Variants in ROR1 observed in about 807,000 individuals in gnomAD.
ROR1 encodes the protein inactive tyrosine-protein kinase transmembrane receptor ROR1.
In ROR1, 19 loss-of-function variants were observed where a neutral mutation model predicts 78.8. The observed-to-expected ratio is 0.24, with a 90% CI of 0.17 to 0.35. ROR1 has a LOEUF of 0.35. Ranked by LOEUF, ROR1 falls within the 10% of genes least tolerant of loss-of-function variation. The pLI is 1.00. For synonymous variants in ROR1, 386 were observed against 433.6 expected (o/e 0.89, Z 1.36); for missense variants, 917 against 1,177.8 (o/e 0.78, Z 3.24).
chr1:63,913,241 T>G (rs1645585056), intron 1 of ROR1, among the ~76,000 whole-genome samples: 1 of 152,178 alleles, frequency 6.6e-6, no homozygotes, highest in African/African-American at 2.4e-5. Flanking sequence ...AGAATAGACA[T>G]GTGTAATATA....
At chr1:64,117,919 G>T (rs1303072767) in intron 4 of ROR1, among the ~76,000 whole-genome samples, 1 of 152,248 alleles carries the variant, frequency 6.6e-6, no homozygotes, top group Non-Finnish European at 1.5e-5. Flanking sequence ...TTAAAACAGG[G>T]ACTGGGTACC....
intron 1 of ROR1, among the ~76,000 whole-genome samples, chr1:63,881,001 T>G (rs1645318463): frequency 6.6e-6 from 1 of 152,192 alleles, no homozygotes; most frequent in Non-Finnish European, 1.5e-5. Flanking sequence ...GTGTACACTG[T>G]GACTCTGTAA....
At chr1:64,150,436 T>A (rs895980969) in intron 7 of ROR1, among the ~76,000 whole-genome samples, 20 of 152,222 alleles carry the variant, frequency 1.3e-4, no homozygotes, top group Non-Finnish European at 2.6e-4. Flanking sequence ...CTCCAGTTTG[T>A]CACAAACCAT....
chr1:63,816,944 A>T (rs1453050294), intron 1 of ROR1, among the ~76,000 whole-genome samples: 1 of 152,246 alleles, frequency 6.6e-6, no homozygotes, highest in Non-Finnish European at 1.5e-5. Context: ...TGTGCCAGGC[A>T]CTGTGCTGGG....
chr1:64,092,165 A>ATTCC (rs1027390232), intron 4 of ROR1, among the ~76,000 whole-genome samples: 1 of 125,756 alleles, frequency 8.0e-6, no homozygotes, highest in African/African-American at 3.1e-5. Flanking sequence ...CCCTTCTTCC[A>ATTCC]TTCCTTCCTT....
Position 63,860,582 on chromosome 1 carries a change from C to CAT in ROR1, c.91+86075_91+86076insTA, listed in dbSNP as rs1410889975. ...AAAAATACACACACACACACACACA[C>CAT]ACACACACACACACACACACACATA... On this transcript the variant is annotated intron_variant, in intron 1 of 8. Coordinates refer to ENST00000371079, the MANE Select transcript of ROR1 (RefSeq NM_005012.4). Among the ~76,000 whole-genome samples, 375 of 143,414 alleles carry CAT rather than the reference C, an allele frequency of 2.6e-3. 3 individuals are homozygous for CAT. Among genetic ancestry groups the CAT allele is most frequent in the African/African-American group, 9.5e-3 (363 of 38,240 alleles). 94.1% of individuals were successfully genotyped at this position (143,414 alleles called of 152,430 possible).
intron 1 of ROR1, among the ~76,000 whole-genome samples, chr1:63,909,913 C>T (rs1645557095): frequency 6.6e-6 from 1 of 152,110 alleles, no homozygotes; most frequent in African/African-American, 2.4e-5. Flanking sequence ...ATGGTCTGTT[C>T]TCTAATATGA....
chr1:63,780,273 C>A (rs558341279), intron 1 of ROR1, among the ~76,000 whole-genome samples: 1 of 151,866 alleles, frequency 6.6e-6, no homozygotes, highest in Non-Finnish European at 1.5e-5. Flanking sequence ...CCTTTGATAG[C>A]TGCTTAAAGA....
chr1:63,860,590 C>CACACACACACAT (rs1553138067), intron 1 of ROR1, among the ~76,000 whole-genome samples: 72 of 148,822 alleles, frequency 4.8e-4, no homozygotes, highest in African/African-American at 1.7e-3. Flanking sequence ...CACACACACA[C>CACACACACACAT]ACACACACAC....
At chr1:64,169,031 G>C (rs946846944) in intron 8 of ROR1, among the ~76,000 whole-genome samples, 1 of 152,324 alleles carries the variant, frequency 6.6e-6, no homozygotes, top group African/African-American at 2.4e-5. Context: ...TTAACAAGTG[G>C]CACTGATGCC....
chr1:63,969,754 T>C (rs1646104569), intron 1 of ROR1, among the ~76,000 whole-genome samples: 1 of 152,092 alleles, frequency 6.6e-6, no homozygotes, highest in South Asian at 2.1e-4. Flanking sequence ...TTCTTTTTAA[T>C]CTAACCACTA....
chr1:63,902,493 T>TA (rs1275102748), intron 1 of ROR1, among the ~76,000 whole-genome samples: 1 of 151,898 alleles, frequency 6.6e-6, no homozygotes, highest in African/African-American at 2.4e-5. Context: ...ATTTTTTTTT[T>TA]AATTTACTTA....
intron 2 of ROR1, among the ~76,000 whole-genome samples, chr1:64,034,645 G>C (rs555577197): frequency 6.6e-6 from 1 of 152,118 alleles, no homozygotes; most frequent in African/African-American, 2.4e-5. Flanking sequence ...CCATTATGGT[G>C]GCTAATATCA....
chr1:64,164,156 C>G (rs1327600157), intron 8 of ROR1, among the ~76,000 whole-genome samples: 1 of 152,140 alleles, frequency 6.6e-6, no homozygotes, highest in Non-Finnish European at 1.5e-5. Flanking sequence ...TTCTCTTGAG[C>G]TGATTTCATC....
chr1:64,149,862 C>T (rs7533853), intron 7 of ROR1, among the ~76,000 whole-genome samples: 11,672 of 152,208 alleles, frequency 0.077, 1,574 homozygotes, highest in African/African-American at 0.27. Context: ...CTTTTCTATG[C>T]AGCTCTGGGG....
chr1:63,833,838 C>T lies in ROR1; in HGVS notation c.91+59330C>T, dbSNP rs147045225. 1.7e-3 allele frequency among the ~76,000 whole-genome samples: 257 copies of T among 151,638 alleles called. 3 individuals are homozygous for T. Among genetic ancestry groups the T allele is most frequent in the Middle Eastern group, 0.01 (3 of 294 alleles). ...AATAGTTAGCACATGTGCATATTTA[C>T]GCACTGGTTTTTTTTCTAGTTATGC... is the stretch of plus-strand genomic sequence containing the variant. On this transcript the variant is annotated intron_variant, in intron 1 of 8. Transcript: ENST00000371079.
intron 1 of ROR1, among the ~76,000 whole-genome samples, chr1:63,946,366 T>C (rs983418123): frequency 2.0e-5 from 3 of 152,214 alleles, no homozygotes; most frequent in Admixed American, 6.5e-5. Flanking sequence ...CCCCAATGTC[T>C]GTTTAACCAG....
chr1:64,115,322 C>T (rs991689720), intron 4 of ROR1, among the ~76,000 whole-genome samples: 3 of 152,110 alleles, frequency 2.0e-5, no homozygotes, highest in African/African-American at 4.8e-5. Context: ...CTCAAGGGAT[C>T]CTCTTGCCTC....
At chr1:64,013,465 C>T (rs1010411455) in intron 2 of ROR1, among the ~76,000 whole-genome samples, 8 of 152,170 alleles carry the variant, frequency 5.3e-5, no homozygotes, top group Admixed American at 5.2e-4. Flanking sequence ...ATTCCCTAAA[C>T]ATACCATTCT....
Sources: gnomAD v4.1 joint callset for allele counts (sites outside exome capture counted in the v4.1 genomes callset) on GRCh38, gnomAD v4.1.1 for gene constraint, MANE v1.5 for transcripts, NCBI Gene and HGNC (gene_info 2026-07-23, HGNC 2026-07-21) for gene names.